The following PITPNM3 variants were observed in gnomAD, a reference collection of about 807,000 sequenced individuals.
The protein encoded by PITPNM3 is membrane-associated phosphatidylinositol transfer protein 3.
A neutral mutation model predicts 102.0 loss-of-function variants in PITPNM3; 26 were observed. The observed-to-expected ratio is 0.25, with a 90% CI of 0.19 to 0.35. The LOEUF (loss-of-function observed/expected upper bound fraction) is 0.35, where lower values mean the gene tolerates loss of function less well. Ranked by LOEUF, PITPNM3 falls within the 10% of genes least tolerant of loss-of-function variation. The pLI, the probability that PITPNM3 is intolerant of heterozygous loss-of-function variation, is 1.00. For synonymous variants in PITPNM3, 578 were observed against 558.6 expected, an observed-to-expected ratio of 1.03 and a Z score of -0.49; for missense variants, 1,083 against 1,346.1, an observed-to-expected ratio of 0.80 and a Z score of 3.06.
rs371534723 is a variant in PITPNM3 at position 6,452,611 on chromosome 17, A to T, written c.*2727T>A. 2 of 152,220 alleles carry T rather than the reference A, an allele frequency of 1.3e-5. No homozygotes were observed. The allele number at this position is 152,220 out of a possible 1,614,324, so 9.4% of individuals were successfully genotyped here. A position where few individuals can be genotyped will look rare whatever the true frequency, so the allele number is the denominator to read the frequency against. ...AAACTGAGCAAACCGCTAGTGTAGA[A>T]AGAGCATATGCATTACACAGTTGCC... On this transcript the variant is annotated 3_prime_UTR_variant, in exon 20 of 20. Transcript: ENST00000262483.
chr17:6,470,112 C>T lies in PITPNM3; in HGVS notation c.1773+148G>A, dbSNP rs541480931. The stretch of plus-strand genomic sequence containing the variant: ...CTCTGGTCATGTCACTCCCCACTCA[C>T]GTAGGTGCTCCAATGCCTTCCTCAT... On this transcript the variant is annotated intron_variant, in intron 13 of 19. Transcript: ENST00000262483. This position sits in a 1 kb window ranked among gnomAD's most constrained non-coding sequence, Gnocchi z 4.8. 1.5e-4 allele frequency: 140 copies of T among 922,968 alleles called. No individual in the cohort carries two copies. The highest frequency in any genetic ancestry group is 2.1e-4 in the Non-Finnish European group (128 of 596,544). 57.2% of individuals were successfully genotyped at this position (922,968 alleles called of 1,614,324 possible).
In PITPNM3 at chr17:6,518,398, CA is replaced by C. The variant is rs1221603927; in HGVS notation, c.226+6957del. Among the ~76,000 whole-genome samples the C allele has an allele frequency of 2.1e-5, 3 of 142,782 alleles. 1 individual carries two copies. Among genetic ancestry groups the C allele is most frequent in the African/African-American group, 7.8e-5 (3 of 38,396 alleles). The allele number at this position is 142,782 out of a possible 152,430, so 93.7% of individuals were successfully genotyped here. A position where few individuals can be genotyped will look rare whatever the true frequency, so the allele number is the denominator to read the frequency against. ...CCTTTTAAGGAAAAGATTATCCCCC[CA>C]AAAAAGCTTACTTTTATAAATTTTA... is the stretch of plus-strand genomic sequence containing the variant. On this transcript the variant is annotated intron_variant, in intron 3 of 19. Transcript: ENST00000262483.
intron 17 of PITPNM3, 85 bp downstream of exon 17, chr17:6,463,647 A>T: frequency 6.5e-7 from 1 of 1,527,708 alleles, no homozygotes; most frequent in Non-Finnish European, 8.8e-7. Flanking sequence ...TTCCTACAGC[A>T]AATCAGAAAA....
chr17:6,517,859 CA>C lies in PITPNM3; in HGVS notation c.226+7496del, dbSNP rs1156958001. On this transcript the variant is annotated intron_variant, in intron 3 of 19. Coordinates refer to ENST00000262483, the MANE Select transcript of PITPNM3 (RefSeq NM_031220.4). This position sits in a 1 kb window ranked among gnomAD's most constrained non-coding sequence, Gnocchi z 4.1. ...ACAGGCATGAGCCACTGTACCTGGC[CA>C]AAAATACCAGTTTTCAAATGTATGT... Among the ~76,000 whole-genome samples the C allele has an allele frequency of 1.3e-5, 2 of 151,924 alleles. No homozygotes were observed. Among genetic ancestry groups the C allele is most frequent in the African/African-American group, 2.4e-5 (1 of 41,350 alleles).
chr17:6,526,361 T>C (rs1908834340), intron 2 of PITPNM3, among the ~76,000 whole-genome samples: 1 of 152,214 alleles, frequency 6.6e-6, no homozygotes. Flanking sequence ...CTCCTCCCCA[T>C]ACTTTGCCGA....
chr17:6,543,299 C>T (rs886614244), intron 1 of PITPNM3, among the ~76,000 whole-genome samples: 1 of 152,168 alleles, frequency 6.6e-6, no homozygotes, highest in African/African-American at 2.4e-5. Flanking sequence ...CTGCTCAGAT[C>T]GTCAGCTCCT....
chr17:6,522,294 A>ATG (rs1567686836), intron 3 of PITPNM3, among the ~76,000 whole-genome samples: 1 of 151,966 alleles, frequency 6.6e-6, no homozygotes, highest in Non-Finnish European at 1.5e-5. Flanking sequence ...GCGCACACAC[A>ATG]CACACACACA....
intron 3 of PITPNM3, among the ~76,000 whole-genome samples, chr17:6,514,544 C>T (rs1273550351): frequency 2.6e-5 from 4 of 152,084 alleles, no homozygotes; most frequent in Admixed American, 6.6e-5. Flanking sequence ...AGATCAAAAC[C>T]GCAATGAGAC....
At chr17:6,538,257 C>G (rs1972002837) in intron 1 of PITPNM3, among the ~76,000 whole-genome samples, 175 bp from the exon 2 acceptor site, 1 of 152,182 alleles carries the variant, frequency 6.6e-6, no homozygotes, top group Non-Finnish European at 1.5e-5. Flanking sequence ...CATTGAAGCT[C>G]AAAAACCTCT....
chr17:6,549,587 C>G (rs754956682), intron 1 of PITPNM3, among the ~76,000 whole-genome samples: 1 of 152,182 alleles, frequency 6.6e-6, no homozygotes, highest in African/African-American at 2.4e-5. Flanking sequence ...CACAGGCACA[C>G]GTGGGACCCT....
rs1446944796 is a variant in PITPNM3 at position 6,470,194 on chromosome 17, A to T, written c.1773+66T>A. On this transcript the variant is annotated intron_variant, in intron 13 of 19. Transcript: ENST00000262483. This position sits in a 1 kb window ranked among gnomAD's most constrained non-coding sequence, Gnocchi z 4.8. ...TGTCTGCAAGAATAGCCTCCTCTCC[A>T]GCTGGAGAAGGGGCGGTACCCCCTT... is the stretch of plus-strand genomic sequence containing the variant. 1 of 1,501,728 alleles carries T rather than the reference A, an allele frequency of 6.7e-7. No homozygotes were observed. 93.0% of individuals were successfully genotyped at this position (1,501,728 alleles called of 1,614,324 possible). A position where few individuals can be genotyped will look rare whatever the true frequency, so the allele number is the denominator to read the frequency against.
At chr17:6,484,413 AGAG>A in intron 4 of PITPNM3, 121 bp from the exon 5 acceptor site, 1 of 993,214 alleles carries the variant, frequency 1.0e-6, no homozygotes, top group Non-Finnish European at 1.6e-6. Context: ...AGCTCAAGTT[AGAG>A]TCTGGAGCTA....
Position 6,478,192 on chromosome 17 carries a change from G to A in PITPNM3, c.778-95C>T. The stretch of plus-strand genomic sequence containing the variant: ...CAGTGCTGCCTCCCCACAGGAGAAT[G>A]AGAAACTCGTCCTTGGGAGGTGTTG... On this transcript the variant is annotated intron_variant, in intron 7 of 19. Coordinates refer to ENST00000262483, the MANE Select transcript of PITPNM3 (RefSeq NM_031220.4). This position sits in a 1 kb window ranked among gnomAD's most constrained non-coding sequence, Gnocchi z 4.4. 4 of 1,579,346 alleles carry A rather than the reference G, an allele frequency of 2.5e-6. No individual in the cohort carries two copies. The highest frequency in any genetic ancestry group is 2.3e-5 in the East Asian group (1 of 44,318).
chr17:6,484,916 A>T (rs1953450968), intron 4 of PITPNM3, among the ~76,000 whole-genome samples: 1 of 152,188 alleles, frequency 6.6e-6, no homozygotes, highest in Admixed American at 6.5e-5. Context: ...TCTCAAGCTC[A>T]GACTTCCATC....
Position 6,513,005 on chromosome 17 carries a change from G to A in PITPNM3, c.227-9431C>T, listed in dbSNP as rs950704393. Among the ~76,000 whole-genome samples, 8 of 150,626 alleles carry A rather than the reference G, an allele frequency of 5.3e-5. No homozygotes were observed. In the East Asian group the frequency reaches 9.7e-4, roughly 18 times the overall value. On this transcript the variant is annotated intron_variant, in intron 3 of 19. Coordinates refer to ENST00000262483, the MANE Select transcript of PITPNM3 (RefSeq NM_031220.4). ...GTTATTCAGTATGTGAAAATCAATC[G>A]ATGTAACGTACCATATTGATAGAAT... is the stretch of plus-strand genomic sequence containing the variant.
In PITPNM3 at chr17:6,525,363, C is replaced by T. The variant is rs1002634040; in HGVS notation, c.219G>A (p.Glu73=). 6 of 1,614,080 alleles carry T rather than the reference C, an allele frequency of 3.7e-6. No individual in the cohort carries two copies. The highest frequency in any genetic ancestry group is 1.1e-5 in the South Asian group (1 of 91,078). The change falls in exon 3 of 20, where the codon GAG becomes GAA. Residue 73 remains glutamate (E), a synonymous_variant. Coordinates refer to ENST00000262483, the MANE Select transcript of PITPNM3 (RefSeq NM_031220.4). Reference sequence around the variant, plus strand: ...AGAGAAGCAGAGTCTCACCTTGATGCTCGTCCAGTTTCCCCATGGTCTCGA... The same window carrying T: ...AGAGAAGCAGAGTCTCACCTTGATGTTCGTCCAGTTTCCCCATGGTCTCGA... ...EQIETMGKLD[E]HQGEGTAPCT...
intron 12 of PITPNM3, 22 bp downstream of exon 12, chr17:6,471,139 G>A (rs376453904): frequency 8.7e-6 from 14 of 1,610,922 alleles, no homozygotes; most frequent in Non-Finnish European, 1.2e-5. Flanking sequence ...TCCAGGCAGG[G>A]CCCCAAAAGG....
At chr17:6,488,506 G>A (rs143934694) in intron 4 of PITPNM3, among the ~76,000 whole-genome samples, 8 of 152,296 alleles carry the variant, frequency 5.3e-5, no homozygotes, top group Non-Finnish European at 1.0e-4. Flanking sequence ...TCAGGGACTA[G>A]GATGGCACTT....
rs759469397 is a variant in PITPNM3, at chr17:6,470,213, C to T, written c.1773+47G>A. 17 of 1,549,672 alleles carry T rather than the reference C, an allele frequency of 1.1e-5. No individual in the cohort carries two copies. Among genetic ancestry groups the T allele is most frequent in the Non-Finnish European group, 1.4e-5 (16 of 1,142,660 alleles). The stretch of plus-strand genomic sequence containing the variant: ...CTCTCCAGCTGGAGAAGGGGCGGTA[C>T]CCCCTTGGGGTGGCTGTGGGCAGGC... On this transcript the variant is annotated intron_variant, in intron 13 of 19. Coordinates refer to ENST00000262483, the MANE Select transcript of PITPNM3 (RefSeq NM_031220.4). The surrounding 1 kb of genome is among the most constrained non-coding windows in gnomAD (Gnocchi z 4.8).
Sources: gnomAD v4.1 joint callset for allele counts (sites outside exome capture counted in the v4.1 genomes callset) on GRCh38, gnomAD v4.1.1 for gene constraint, Gnocchi (gnomAD v3.1) non-coding constraint, MANE v1.5 for transcripts, NCBI Gene and HGNC (gene_info 2026-07-23, HGNC 2026-07-21) for gene names.